GSR: variants seen among roughly 807,000 people sequenced by gnomAD.
The protein encoded by GSR is glutathione-disulfide reductase.
A neutral mutation model predicts 56.5 loss-of-function variants in GSR; 48 were observed. The observed-to-expected ratio is 0.85, with a 90% CI of 0.67 to 1.08. The LOEUF (loss-of-function observed/expected upper bound fraction) is 1.08, where lower values mean the gene tolerates loss of function less well. Ranked by LOEUF, GSR falls within the 50% of genes least tolerant of loss-of-function variation. The pLI is 0.00. For missense variants in GSR, 694 were observed against 703.3 expected, an observed-to-expected ratio of 0.99 and a Z score of 0.15; for synonymous variants, 264 against 270.8, an observed-to-expected ratio of 0.97 and a Z score of 0.25.
intron 4 of GSR, among the ~76,000 whole-genome samples, chr8:30,706,307 C>A (rs1014168713): frequency 6.6e-6 from 1 of 151,880 alleles, no homozygotes; most frequent in East Asian, 1.9e-4. Context: ...CAAGACCAGC[C>A]TGGCCAACAT....
chr8:30,709,927 A>T, intron 2 of GSR, 25 bp from the exon 3 acceptor site: 1 of 1,194,872 alleles, frequency 8.4e-7, no homozygotes, highest in Non-Finnish European at 1.2e-6. Flanking sequence ...AAAAAAAAGG[A>T]TCCAAAACAG....
At chr8:30,716,111 GGTAAGGCACTAAACAGA>G (rs1804325317) in intron 1 of GSR, among the ~76,000 whole-genome samples, 1 of 152,116 alleles carries the variant, frequency 6.6e-6, no homozygotes, top group South Asian at 2.1e-4. Context: ...CATTATGCAA[GGTAAGGCACTAAACAGA>G]TACAGTCCCT....
chr8:30,723,959 T>A (rs1563547894), intron 1 of GSR, among the ~76,000 whole-genome samples: 1 of 152,204 alleles, frequency 6.6e-6, no homozygotes, highest in Non-Finnish European at 1.5e-5. Context: ...AAATGACCAC[T>A]GCTAGACACA....
chr8:30,717,575 C>T (rs1468063498), intron 1 of GSR, among the ~76,000 whole-genome samples: 1 of 152,142 alleles, frequency 6.6e-6, no homozygotes, highest in Admixed American at 6.6e-5. Flanking sequence ...ATTAGATTCT[C>T]ATAGGAGCGT....
intron 2 of GSR, 76 bp from the exon 3 acceptor site, chr8:30,709,978 A>G (rs930125620): frequency 2.4e-5 from 19 of 801,482 alleles, no homozygotes; most frequent in Non-Finnish European, 3.5e-5. Flanking sequence ...TCATGAATGA[A>G]TGGTAACTAG....
At chr8:30,708,450 A>ATCCTT (rs542909159) in intron 3 of GSR, among the ~76,000 whole-genome samples, 186 of 152,338 alleles carry the variant, frequency 1.2e-3, no homozygotes, top group Non-Finnish European at 2.0e-3. Flanking sequence ...GGCACTTAAT[A>ATCCTT]AACACTTGCT....
intron 7 of GSR, 62 bp from the exon 8 acceptor site, chr8:30,693,117 C>T: frequency 9.9e-7 from 1 of 1,012,416 alleles, no homozygotes; most frequent in Non-Finnish European, 1.6e-6. Context: ...AGACACACCA[C>T]AAACTTGGGA....
intron 9 of GSR, among the ~76,000 whole-genome samples, chr8:30,684,424 G>C (rs549843127): frequency 8.6e-4 from 131 of 152,222 alleles, no homozygotes; most frequent in Non-Finnish European, 1.5e-3. Context: ...AGCCGAAGAG[G>C]GAGGATCCCT....
chr8:30,690,036 G>T, intron 8 of GSR, among the ~76,000 whole-genome samples: 1 of 133,226 alleles, frequency 7.5e-6, no homozygotes, highest in African/African-American at 2.8e-5. Flanking sequence ...ATTTATATAT[G>T]TATATTATAT....
At chr8:30,707,538 C>T (rs940732165) in intron 4 of GSR, among the ~76,000 whole-genome samples, 1 of 152,154 alleles carries the variant, frequency 6.6e-6, no homozygotes, top group African/African-American at 2.4e-5. Context: ...TGCATGCCTA[C>T]AGTCCTAGTT....
chr8:30,722,382 G>T (rs577550302), intron 1 of GSR, among the ~76,000 whole-genome samples: 11 of 152,160 alleles, frequency 7.2e-5, no homozygotes, highest in Non-Finnish European at 1.3e-4. Context: ...TGCAGGAACT[G>T]ATGACAGAGT....
At chr8:30,700,957 G>C (rs1803716912) in intron 5 of GSR, among the ~76,000 whole-genome samples, 1 of 152,110 alleles carries the variant, frequency 6.6e-6, no homozygotes, top group South Asian at 2.1e-4. Context: ...CCAGGTTGCA[G>C]TTCCATGTTT....
intron 1 of GSR, among the ~76,000 whole-genome samples, chr8:30,716,058 G>A (rs1181029709): frequency 2.0e-5 from 3 of 152,032 alleles, no homozygotes; most frequent in Non-Finnish European, 4.4e-5. Context: ...TAGCTTGCAG[G>A]CATTCATTCA....
intron 1 of GSR, among the ~76,000 whole-genome samples, chr8:30,719,325 C>T (rs1399523912): frequency 6.6e-6 from 1 of 151,554 alleles, no homozygotes; most frequent in East Asian, 1.9e-4. Context: ...ACCGTGTTAG[C>T]CAGGATGGTG....
chr8:30,718,171 T>G (rs1367296363), intron 1 of GSR, among the ~76,000 whole-genome samples: 1 of 152,082 alleles, frequency 6.6e-6, no homozygotes, highest in Non-Finnish European at 1.5e-5. Context: ...TGAATCATCC[T>G]GAAACCATAC....
At chr8:30,682,859 G>C (rs529458989) in intron 10 of GSR, among the ~76,000 whole-genome samples, 6 of 149,460 alleles carry the variant, frequency 4.0e-5, no homozygotes, top group Non-Finnish European at 8.9e-5. Flanking sequence ...ACAGAGTCTC[G>C]CTCTTGTTGC....
In GSR at chr8:30,696,463, C is replaced by G; in HGVS notation, c.712G>C (p.Gly238Arg). The G allele has an allele frequency of 6.2e-7, 1 of 1,612,062 alleles. No homozygotes were observed. The highest frequency in any genetic ancestry group is 8.5e-7 in the Non-Finnish European group (1 of 1,178,138). Reference sequence around the variant, plus strand: ...ATCTCCACAGCAATGTAACCTGCACCAACAATGACGCTGCGGCTGAGACGC... The same window carrying G: ...ATCTCCACAGCAATGTAACCTGCACGAACAATGACGCTGCGGCTGAGACGC... ...EELPGRSVIV[G>R]AGYIAVEMAG... The change falls in exon 7 of 13, where the codon GGT becomes CGT. Residue 238 changes from glycine (G) to arginine (R), a missense_variant. Transcript: ENST00000221130.
chr8:30,704,919 G>A (rs1206110854), intron 4 of GSR: 1 of 152,180 alleles, frequency 6.6e-6, no homozygotes, highest in African/African-American at 2.4e-5. Flanking sequence ...TAGTTCAGAG[G>A]AGGAAGCAGT....
chr8:30,727,650 C>T lies in GSR; in HGVS notation c.186G>A (p.Val62=), dbSNP rs1282358102. 3 of 1,468,514 alleles carry T rather than the reference C, an allele frequency of 2.0e-6. No homozygotes were observed. Among genetic ancestry groups the T allele is most frequent in the Non-Finnish European group, 2.7e-6 (3 of 1,118,866 alleles). The allele number at this position is 1,468,514 out of a possible 1,614,324, so 91.0% of individuals were successfully genotyped here. A position where few individuals can be genotyped will look rare whatever the true frequency, so the allele number is the denominator to read the frequency against. The stretch of plus-strand genomic sequence containing the variant: ...CGATCACCAGGTAGTCATAGGAGGC[C>T]ACGGCGCCAGCAGCGGGCGGCGGGC... ...PQGPPPAAGA[V]ASYDYLVIGG... Residue 62 remains valine (V), a synonymous_variant, in exon 1 of 13, where the codon GTG becomes GTA. Coordinates refer to ENST00000221130, the MANE Select transcript of GSR (RefSeq NM_000637.5).
Sources: gnomAD v4.1 joint callset for allele counts (sites outside exome capture counted in the v4.1 genomes callset) on GRCh38, gnomAD v4.1.1 for gene constraint, MANE v1.5 for transcripts, NCBI Gene and HGNC (gene_info 2026-07-23, HGNC 2026-07-21) for gene names.